The following CACNA1C variants were observed in gnomAD, a reference collection of about 807,000 sequenced individuals.
The protein encoded by CACNA1C is calcium voltage-gated channel subunit alpha1 C.
In CACNA1C, 30 loss-of-function variants were observed where a neutral mutation model predicts 229.0. The ratio of observed to expected loss-of-function variants is 0.13; its 90% CI spans 0.10 to 0.18. The LOEUF is 0.18. Ranked by LOEUF, CACNA1C falls within the 10% of genes least tolerant of loss-of-function variation. The pLI, the probability that CACNA1C is intolerant of heterozygous loss-of-function variation, is 1.00. For synonymous variants in CACNA1C, 1,114 were observed against 1,132.5 expected (o/e 0.98, Z 0.33); for missense variants, 1,658 against 2,845.0 (o/e 0.58, Z 9.49).
At chr12:2,464,843 C>CTGTT (rs2099540029) in intron 5 of CACNA1C, among the ~76,000 whole-genome samples, 1 of 152,202 alleles carries the variant, frequency 6.6e-6, no homozygotes, top group African/African-American at 2.4e-5. Flanking sequence ...CAGGTGAGGA[C>CTGTT]TGTTTCCTGA....
intron 3 of CACNA1C, 59 bp downstream of exon 3, chr12:2,120,489 C>T: frequency 1.1e-6 from 1 of 928,594 alleles, no homozygotes; most frequent in Non-Finnish European, 1.8e-6. Flanking sequence ...GCGTTCAGAT[C>T]ACATAGATGC....
Position 2,054,217 on chromosome 12 carries a change from C to T in CACNA1C, c.49+606C>T, listed in dbSNP as rs2053631663. On this transcript the variant is annotated intron_variant, in intron 1 of 46. Transcript: ENST00000399655. This position sits in a 1 kb window ranked among gnomAD's most constrained non-coding sequence, Gnocchi z 5.5. ...GCCCAGCGCGCCCCTCTGGTTCCCC[C>T]TCTGTAGGTCCCCTTCTTCCTCTCT... Among the ~76,000 whole-genome samples the T allele has an allele frequency of 6.6e-6, 1 of 152,048 alleles. No individual in the cohort carries two copies. The highest frequency in any genetic ancestry group is 2.1e-4 in the South Asian group (1 of 4,832).
At chr12:2,326,898 A>G (rs1339402558) in intron 3 of CACNA1C, among the ~76,000 whole-genome samples, 1 of 152,246 alleles carries the variant, frequency 6.6e-6, no homozygotes, top group Non-Finnish European at 1.5e-5. Context: ...AGCTTTGTAA[A>G]AATAGGCAGG....
At chr12:2,625,777 TAA>T (rs59001750) in intron 29 of CACNA1C, among the ~76,000 whole-genome samples, 357 of 108,810 alleles carry the variant, frequency 3.3e-3, no homozygotes, top group Middle Eastern at 0.012. Context: ...ACCCCATCTC[TAA>T]AAAAAAAAAA....
intron 1 of CACNA1C, among the ~76,000 whole-genome samples, chr12:2,087,512 A>G (rs930040648): frequency 6.6e-6 from 1 of 152,224 alleles, no homozygotes; most frequent in African/African-American, 2.4e-5. Flanking sequence ...GATAATCTGT[A>G]CGTATATGTA....
chr12:2,569,539 A>G (rs1208115589), intron 13 of CACNA1C, among the ~76,000 whole-genome samples: 1 of 152,138 alleles, frequency 6.6e-6, no homozygotes, highest in African/African-American at 2.4e-5. Context: ...TGTGAGTGAA[A>G]TCTTATAATA....
chr12:2,692,457 T>TGAC lies in CACNA1C; in HGVS notation c.*1259_*1261dup, dbSNP rs1204155468. 5.2e-5 allele frequency: 8 copies of TGAC among 152,666 alleles called. No homozygotes were observed. Among genetic ancestry groups the TGAC allele is most frequent in the African/African-American group, 1.9e-4 (8 of 41,460 alleles). 9.5% of individuals were successfully genotyped at this position (152,666 alleles called of 1,614,324 possible). A position where few individuals can be genotyped will look rare whatever the true frequency, so the allele number is the denominator to read the frequency against. ...CACACCATGTGCCCGTGCACACCAGTGACTACGCAGTCCCCCCTTTCTGGT... is the reference window on the plus strand; with the variant it reads ...CACACCATGTGCCCGTGCACACCAGTGACGACTACGCAGTCCCCCCTTTCTGGT... On this transcript the variant is annotated 3_prime_UTR_variant, in exon 47 of 47. Coordinates refer to ENST00000399655, the MANE Select transcript of CACNA1C (RefSeq NM_000719.7).
At chr12:2,540,621 T>C (rs1319823473) in intron 9 of CACNA1C, among the ~76,000 whole-genome samples, 8 of 152,064 alleles carry the variant, frequency 5.3e-5, no homozygotes, top group African/African-American at 1.9e-4. Context: ...AGGAGGACTG[T>C]GCTGACAAAG....
chr12:2,258,307 T>G (rs576880910), intron 3 of CACNA1C, among the ~76,000 whole-genome samples: 14 of 152,378 alleles, frequency 9.2e-5, no homozygotes, highest in African/African-American at 3.4e-4. Flanking sequence ...GCCAGGAAAC[T>G]TAGGCCAGCA....
chr12:2,409,114 A>G (rs1348175745), intron 3 of CACNA1C, among the ~76,000 whole-genome samples: 1 of 152,194 alleles, frequency 6.6e-6, no homozygotes, highest in African/African-American at 2.4e-5. Context: ...TCTTGTTAGC[A>G]CATGTGATCA....
chr12:2,104,581 G>T (rs1335952537), intron 1 of CACNA1C, among the ~76,000 whole-genome samples: 2 of 152,094 alleles, frequency 1.3e-5, no homozygotes, highest in African/African-American at 4.8e-5. Flanking sequence ...TTGCCTGATT[G>T]CCCTGGCCAG....
In CACNA1C at chr12:2,457,660, G is replaced by A; in HGVS notation, c.711G>A (p.Arg237=). 6.2e-7 allele frequency: 1 copy of A among 1,609,120 alleles called. No individual in the cohort carries two copies. Among genetic ancestry groups the A allele is most frequent in the South Asian group, 1.1e-5 (1 of 90,572 alleles). The change falls in exon 5 of 47, where the codon AGG becomes AGA. Residue 237 remains arginine, a synonymous_variant. Coordinates refer to ENST00000399655, the MANE Select transcript of CACNA1C (RefSeq NM_000719.7). ...CCGGATTTGATGTGAAGGCGCTGAG[G>A]GCCTTCCGCGTGCTGCGCCCCCTGC... ...KGAGFDVKAL[R]AFRVLRPLRL...
chr12:2,056,182 TGTGA>T (rs929234696), intron 1 of CACNA1C, among the ~76,000 whole-genome samples: 8 of 116,618 alleles, frequency 6.9e-5, no homozygotes, highest in Non-Finnish European at 1.4e-4. Context: ...TGTGTGCATG[TGTGA>T]GTGTGTGTGA....
chr12:2,289,736 G>T lies in CACNA1C; in HGVS notation c.478-159240G>T, dbSNP rs990086720. Among the ~76,000 whole-genome samples the T allele has an allele frequency of 2.0e-5, 3 of 152,088 alleles. No homozygotes were observed. The East Asian group carries it at 5.8e-4, about 29-fold the overall frequency. The stretch of plus-strand genomic sequence containing the variant: ...CATATGGGCAATGATCCAAGCTGCC[G>T]ATGGGTACACACCGGGGACACCTAG... On this transcript the variant is annotated intron_variant, in intron 3 of 46. Transcript: ENST00000399655.
chr12:2,038,270 A>G (rs983496265), intron 1 of CACNA1C, among the ~76,000 whole-genome samples: 1 of 152,220 alleles, frequency 6.6e-6, no homozygotes, highest in Non-Finnish European at 1.5e-5. Context: ...CCTAAAGATT[A>G]TATTTCCTTT....
intron 3 of CACNA1C, among the ~76,000 whole-genome samples, chr12:2,235,205 GC>G (rs1475952893): frequency 3.9e-5 from 6 of 152,180 alleles, no homozygotes; most frequent in African/African-American, 1.4e-4. Context: ...GTACAGGGGG[GC>G]CATTCTTCCT....
At chr12:2,334,003 CGAT>C (rs2096623348) in intron 3 of CACNA1C, among the ~76,000 whole-genome samples, 1 of 152,162 alleles carries the variant, frequency 6.6e-6, no homozygotes, top group Non-Finnish European at 1.5e-5. Context: ...GCAAACAGTA[CGAT>C]GCTGGGCAGA....
intron 1 of CACNA1C, among the ~76,000 whole-genome samples, chr12:1,975,196 T>C (rs1271426053): frequency 6.6e-6 from 1 of 152,170 alleles, no homozygotes; most frequent in African/African-American, 2.4e-5. Flanking sequence ...CAAAAGACTC[T>C]TTCCAAAAAC....
intron 3 of CACNA1C, among the ~76,000 whole-genome samples, chr12:2,336,823 G>A (rs2096710441): frequency 6.6e-6 from 1 of 152,136 alleles, no homozygotes; most frequent in South Asian, 2.1e-4. Flanking sequence ...CCTCCTGATG[G>A]GCAGCAGTGG....
Sources: gnomAD v4.1 joint callset for allele counts (sites outside exome capture counted in the v4.1 genomes callset) on GRCh38, gnomAD v4.1.1 for gene constraint, Gnocchi (gnomAD v3.1) non-coding constraint, MANE v1.5 for transcripts, NCBI Gene and HGNC (gene_info 2026-07-23, HGNC 2026-07-21) for gene names.